Variants in CFAP74 observed in about 807,000 individuals in gnomAD.
CFAP74 encodes the protein cilia- and flagella-associated protein 74.
A neutral mutation model predicts 188.9 loss-of-function variants in CFAP74; 124 were observed. The observed-to-expected ratio is 0.66, with a 90% CI of 0.57 to 0.76. CFAP74 has a LOEUF of 0.76. CFAP74 is among the 30% of genes least tolerant of loss of function. The pLI is 0.00. For missense variants in CFAP74, 2,198 were observed against 2,165.2 expected, an observed-to-expected ratio of 1.02 and a Z score of -0.30; for synonymous variants, 956 against 916.7, an observed-to-expected ratio of 1.04 and a Z score of -0.77.
chr1:1,971,853 G>A, intron 9 of CFAP74, 127 bp downstream of exon 9: 1 of 704,576 alleles, frequency 1.4e-6, no homozygotes, highest in African/African-American at 1.8e-5. Context: ...GCCTCCAGGG[G>A]TCACCAAGTG....
chr1:1,976,965 C>A (rs1656491957), intron 6 of CFAP74, among the ~76,000 whole-genome samples: 1 of 152,112 alleles, frequency 6.6e-6, no homozygotes, highest in Non-Finnish European at 1.5e-5. Flanking sequence ...CCTGCCTCAG[C>A]TTCCTGAGTA....
At chr1:1,932,229 T>A (rs1652468291) in intron 25 of CFAP74, among the ~76,000 whole-genome samples, 1 of 151,366 alleles carries the variant, frequency 6.6e-6, no homozygotes, top group Admixed American at 6.6e-5. Flanking sequence ...ACCCCGTCTC[T>A]ACTAAAAATA....
rs770314927 is a variant in CFAP74 at position 1,923,433 on chromosome 1, C to T, written c.4456G>A (p.Asp1486Asn). The T allele has an allele frequency of 2.3e-5, 37 of 1,605,274 alleles. No homozygotes were observed. The highest frequency in any genetic ancestry group is 1.7e-4 in the Admixed American group (10 of 58,674). Residue 1486 changes from aspartate to asparagine, a missense_variant, in exon 36 of 39, where the codon GAC becomes AAC. Transcript: ENST00000682832. The surrounding 1 kb of genome is among the most constrained non-coding windows in gnomAD (Gnocchi z 6.3). ...CQHMMFVEGG[D>N]PLDVPVESLT... ...GACTCCACGGGCACGTCCAGGGGGT[C>T]GCCGCCCTCCACGAACATCATGTGC... is the stretch of plus-strand genomic sequence containing the variant.
Position 1,989,292 on chromosome 1 carries a change from C to T in CFAP74, c.68-319G>A, listed in dbSNP as rs141485157. ...CCTGAAGTCAAGGGAGAGCCGGCCA[C>T]GCAGCTGTGTGTGTGGGAGCCGCCG... On this transcript the variant is annotated intron_variant, in intron 2 of 38. Coordinates refer to ENST00000682832, the MANE Select transcript of CFAP74 (RefSeq NM_001304360.2). 2.8e-3 allele frequency among the ~76,000 whole-genome samples: 429 copies of T among 152,304 alleles called. 5 individuals carry two copies. Among genetic ancestry groups the T allele is most frequent in the Admixed American group, 0.019 (284 of 15,304 alleles).
At chr1:1,948,112 C>A (rs1653900258) in intron 18 of CFAP74, among the ~76,000 whole-genome samples, 1 of 152,122 alleles carries the variant, frequency 6.6e-6, no homozygotes, top group Non-Finnish European at 1.5e-5. Context: ...ACCTTGTGAT[C>A]TGCCCACCTT....
At position 1,944,413 on chromosome 1, in the gene CFAP74, C is replaced by A; in HGVS notation, c.2404G>T (p.Val802Phe). The A allele has an allele frequency of 2.6e-6, 4 of 1,536,116 alleles. No individual in the cohort carries two copies. The highest frequency in any genetic ancestry group is 3.5e-6 in the Non-Finnish European group (4 of 1,146,900). Residue 802 changes from valine (V) to phenylalanine (F), a missense_variant, in exon 21 of 39, where the codon GTC becomes TTC. Transcript: ENST00000682832. ...RVVGVAIDVPVWVPKPSVDLK... is the reference protein window; with the variant it reads ...RVVGVAIDVPFWVPKPSVDLK... ...TCCACGCTGGGCTTCGGCACCCAGA[C>A]CGGCACATCGATGGCCACGCCCACG...
chr1:1,970,396 G>A (rs533425647), intron 10 of CFAP74, among the ~76,000 whole-genome samples: 17 of 152,296 alleles, frequency 1.1e-4, no homozygotes, highest in South Asian at 2.1e-4. Flanking sequence ...GACAGGGGCC[G>A]GGGTTTCAGC....
chr1:1,940,123 C>T (rs1395658094), intron 23 of CFAP74, among the ~76,000 whole-genome samples, 193 bp downstream of exon 23: 3 of 152,238 alleles, frequency 2.0e-5, no homozygotes, highest in Non-Finnish European at 4.4e-5. Context: ...CCTGGATGGG[C>T]CTCGGAGGCC....
chr1:1,940,235 CG>C, intron 23 of CFAP74, 80 bp downstream of exon 23: 11 of 1,146,568 alleles, frequency 9.6e-6, no homozygotes, highest in Non-Finnish European at 1.4e-5. Flanking sequence ...GGCCCTCGCC[CG>C]GGTGCTGGGC....
rs546778450 is a variant in CFAP74, at chr1:1,976,909, G to A, written c.501-2711C>T. ...TGCCCAGGCTGGAGTACAGTGGTGC[G>A]GTCTCAGCTCACTGCAAGCTCCGCC... On this transcript the variant is annotated intron_variant, in intron 6 of 38. Transcript: ENST00000682832. 3.3e-5 allele frequency among the ~76,000 whole-genome samples: 5 copies of A among 151,786 alleles called. No individual in the cohort carries two copies. The East Asian group carries it at 7.8e-4, about 24-fold the overall frequency.
Position 1,990,271 on chromosome 1 carries a change from T to G in CFAP74, c.67+619A>C, listed in dbSNP as rs372399681. ...CTATCTCAGAAGATTACAGCGGACTTCCGGCAAAACACGGCAAAGGGAACA... is the reference window on the plus strand; with the variant it reads ...CTATCTCAGAAGATTACAGCGGACTGCCGGCAAAACACGGCAAAGGGAACA... On this transcript the variant is annotated intron_variant, in intron 2 of 38. Coordinates refer to ENST00000682832, the MANE Select transcript of CFAP74 (RefSeq NM_001304360.2). Among the ~76,000 whole-genome samples, 9 of 151,864 alleles carry G rather than the reference T, an allele frequency of 5.9e-5. No homozygotes were observed. In the East Asian group the frequency reaches 1.7e-3, roughly 29 times the overall value.
In CFAP74 at chr1:1,985,182, A is replaced by G. The variant is rs576615941; in HGVS notation, c.500+204T>C. On this transcript the variant is annotated intron_variant, in intron 6 of 38. Transcript: ENST00000682832. The stretch of plus-strand genomic sequence containing the variant: ...ACCTGATTTTGGAGTTCCTAGGAAC[A>G]TAAACAAACCCAGAGAAACTGAAAA... The G allele has an allele frequency of 1.4e-4, 73 of 536,860 alleles. 1 individual carries two copies. In the South Asian group the frequency reaches 1.8e-3, roughly 13 times the overall value. 33.3% of individuals were successfully genotyped at this position (536,860 alleles called of 1,614,324 possible). A position where few individuals can be genotyped will look rare whatever the true frequency, so the allele number is the denominator to read the frequency against.
At chr1:1,924,292 C>T in intron 34 of CFAP74, 99 bp downstream of exon 34, 2 of 638,906 alleles carry the variant, frequency 3.1e-6, no homozygotes, top group Middle Eastern at 4.8e-4. Flanking sequence ...ATTGCCCAGC[C>T]CCCTATCTCA....
chr1:1,987,966 T>C, intron 4 of CFAP74: 2 of 367,312 alleles, frequency 5.4e-6, no homozygotes, highest in South Asian at 4.0e-5. Flanking sequence ...AGAACATTTG[T>C]CTTTCAGTTT....
intron 11 of CFAP74, among the ~76,000 whole-genome samples, chr1:1,967,508 G>A (rs908518924): frequency 3.9e-5 from 6 of 152,120 alleles, no homozygotes; most frequent in East Asian, 1.9e-4. Flanking sequence ...CGGAGGGATC[G>A]GCGGGTGCAA....
At chr1:1,995,657 C>T (rs2102117242) in intron 1 of CFAP74, among the ~76,000 whole-genome samples, 1 of 152,116 alleles carries the variant, frequency 6.6e-6, no homozygotes, top group East Asian at 2.0e-4. Flanking sequence ...CGCCTGTAAT[C>T]CCAGCATTTT....
chr1:1,938,908 G>A lies in CFAP74; in HGVS notation c.2958C>T (p.Pro986=). 3 of 1,536,214 alleles carry A rather than the reference G, an allele frequency of 2.0e-6. No individual in the cohort carries two copies. Among genetic ancestry groups the A allele is most frequent in the Non-Finnish European group, 2.6e-6 (3 of 1,146,920 alleles). Residue 986 remains proline (P), a synonymous_variant, in exon 25 of 39, where the codon CCC becomes CCT. Transcript: ENST00000682832. ...ETLQFCVIFQ[P]TKAEEHRFQL... is the part of the protein sequence containing the mutation. ...GGAATCTGTGTTCCTCGGCCTTGGT[G>A]GGCTGGAAGATCACACAGAACTGCA... is the stretch of plus-strand genomic sequence containing the variant.
chr1:1,922,591 C>A lies in CFAP74; in HGVS notation c.4816G>T (p.Asp1606Tyr). The A allele has an allele frequency of 6.2e-7, 1 of 1,608,698 alleles. No homozygotes were observed. Among genetic ancestry groups the A allele is most frequent in the Non-Finnish European group, 8.5e-7 (1 of 1,177,946 alleles). The change falls in exon 38 of 39, where the codon GAT becomes TAT. Residue 1606 changes from aspartate (D) to tyrosine (Y), a missense_variant and splice_region_variant. Transcript: ENST00000682832. ...SISWVPPADF[D>Y]PDHPLMVSAL... is the part of the protein sequence containing the mutation. ...GCCTGGAGCCCAAAGGCACCTACAT[C>A]AAAGTCCGCAGGTGGCACCCAGGAG...
At chr1:1,947,677 C>T (rs1386679887) in intron 18 of CFAP74, among the ~76,000 whole-genome samples, 2 of 152,236 alleles carry the variant, frequency 1.3e-5, no homozygotes, top group Non-Finnish European at 2.9e-5. Context: ...TGGCCTCTGT[C>T]GTGCTGCCCG....
Sources: gnomAD v4.1 joint callset for allele counts (sites outside exome capture counted in the v4.1 genomes callset) on GRCh38, gnomAD v4.1.1 for gene constraint, Gnocchi (gnomAD v3.1) non-coding constraint, MANE v1.5 for transcripts, NCBI Gene and HGNC (gene_info 2026-07-23, HGNC 2026-07-21) for gene names.